Variants in CCDC117 observed in about 807,000 individuals in gnomAD.
CCDC117 encodes the protein coiled-coil domain containing 117.
CCDC117 carries 1 observed loss-of-function variant against 23.5 expected under a neutral mutation model. The ratio of observed to expected loss-of-function variants is 0.04; its 90% confidence interval spans 0.02 to 0.20. The LOEUF is 0.20. Among genes scored for constraint, CCDC117 ranks in the 10% least tolerant of loss-of-function variants. The probability of loss-of-function intolerance (pLI) is 1.00; values close to 1 mark genes in which losing one functional copy is unlikely to be tolerated. For synonymous variants in CCDC117, 132 were observed against 124.8 expected (o/e 1.06, Z -0.39); for missense variants, 383 against 348.2 (o/e 1.10, Z -0.80).
chr22:28,784,927 G>A lies in CCDC117; in HGVS notation c.603-1162G>A, dbSNP rs554077931. Among the ~76,000 whole-genome samples, 231 of 151,022 alleles carry A rather than the reference G, an allele frequency of 1.5e-3. 2 individuals are homozygous for A. The highest frequency in any genetic ancestry group is 5.4e-3 in the African/African-American group (223 of 41,094). ...TGGGACTACAGGCGCCTGCCACCTT[G>A]CCCGGCTAGTTTTTTGTATTTTTAG... On this transcript the variant is annotated intron_variant, in intron 4 of 4. Transcript: ENST00000249064.
rs1313744202 is a variant in CCDC117 at position 28,786,071 on chromosome 22, C to T, written c.603-18C>T. On this transcript the variant is annotated intron_variant, in intron 4 of 4. Coordinates refer to ENST00000249064, the MANE Select transcript of CCDC117 (RefSeq NM_173510.4). ...TGTCCTAAAATTTTTTGATAAAAGTCTGTATTTTATGTCTTAGGAGCCGTC... is the reference window on the plus strand; with the variant it reads ...TGTCCTAAAATTTTTTGATAAAAGTTTGTATTTTATGTCTTAGGAGCCGTC... 2 of 1,560,886 alleles carry T rather than the reference C, an allele frequency of 1.3e-6. No individual in the cohort carries two copies. Among genetic ancestry groups the T allele is most frequent in the East Asian group, 2.2e-5 (1 of 44,566 alleles).
intron 3 of CCDC117, among the ~76,000 whole-genome samples, 164 bp downstream of exon 3, chr22:28,781,336 T>G (rs5762792): frequency 1.5e-3 from 2 of 1,306 alleles, no homozygotes; most frequent in Admixed American, 7.4e-3. Flanking sequence ...TTTTGTTTTG[T>G]TTTTTTTTTT....
At position 28,781,587 on chromosome 22, in the gene CCDC117, G is replaced by A. The variant is rs1220679915; in HGVS notation, c.464+415G>A. Among the ~76,000 whole-genome samples the A allele has an allele frequency of 9.2e-5, 5 of 54,356 alleles. 2 individuals are homozygous for A. Among genetic ancestry groups the A allele is most frequent in the Admixed American group, 1.4e-4 (1 of 7,296 alleles). 35.7% of individuals were successfully genotyped at this position (54,356 alleles called of 152,430 possible). A position where few individuals can be genotyped will look rare whatever the true frequency, so the allele number is the denominator to read the frequency against. On this transcript the variant is annotated intron_variant, in intron 3 of 4. Coordinates refer to ENST00000249064, the MANE Select transcript of CCDC117 (RefSeq NM_173510.4). Reference sequence around the variant, plus strand: ...GGGATGGTCTCGATCTCTTGACCTCGTGATCCGCCCGCCTCGGCCTCCCAA... The same window carrying A: ...GGGATGGTCTCGATCTCTTGACCTCATGATCCGCCCGCCTCGGCCTCCCAA...
In CCDC117 at chr22:28,789,059, G is replaced by A. The variant is rs1338796857; in HGVS notation, c.*2733G>A. 1 of 149,846 alleles carries A rather than the reference G, an allele frequency of 6.7e-6. No homozygotes were observed. Among genetic ancestry groups the A allele is most frequent in the Non-Finnish European group, 1.5e-5 (1 of 67,662 alleles). The allele number at this position is 149,846 out of a possible 1,614,324, so 9.3% of individuals were successfully genotyped here. ...TAAAAAACTTACTCTTTCTTGAAAA[G>A]GTACACATGTAAAATTTAGGAAAAT... On this transcript the variant is annotated 3_prime_UTR_variant, in exon 5 of 5. Transcript: ENST00000249064.
At chr22:28,782,993 T>G (rs533191014) in intron 3 of CCDC117, among the ~76,000 whole-genome samples, 2 of 152,110 alleles carry the variant, frequency 1.3e-5, no homozygotes, top group South Asian at 4.1e-4. Flanking sequence ...CAGATTTGAT[T>G]ATATGTAAAA....
intron 3 of CCDC117, among the ~76,000 whole-genome samples, chr22:28,783,248 C>T (rs553872861): frequency 3.9e-4 from 59 of 152,066 alleles, no homozygotes; most frequent in Admixed American, 3.9e-3. Context: ...ACCATGTTGG[C>T]CAGGCTCTTC....
At chr22:28,778,885 A>C (rs1336570907) in intron 2 of CCDC117, among the ~76,000 whole-genome samples, 1 of 152,172 alleles carries the variant, frequency 6.6e-6, no homozygotes, top group East Asian at 1.9e-4. Context: ...GAAATAACTT[A>C]GTCTAAATCA....
intron 3 of CCDC117, among the ~76,000 whole-genome samples, chr22:28,782,671 T>C (rs958692288): frequency 6.6e-6 from 1 of 152,124 alleles, no homozygotes; most frequent in South Asian, 2.1e-4. Flanking sequence ...ACTCCGGACC[T>C]TGTGGTCCGC....
Position 28,788,934 on chromosome 22 carries a change from T to A in CCDC117, c.*2608T>A, listed in dbSNP as rs2031593255. ...TTAATGAACAAATGTGTATTTTATC[T>A]GAGTTTGAGTAGGGTGCGTTGTGGA... is the stretch of plus-strand genomic sequence containing the variant. On this transcript the variant is annotated 3_prime_UTR_variant, in exon 5 of 5. Coordinates refer to ENST00000249064, the MANE Select transcript of CCDC117 (RefSeq NM_173510.4). 2.0e-5 allele frequency: 3 copies of A among 152,182 alleles called. No individual in the cohort carries two copies. Among genetic ancestry groups the A allele is most frequent in the Admixed American group, 2.0e-4 (3 of 15,224 alleles). The allele number at this position is 152,182 out of a possible 1,614,324, so 9.4% of individuals were successfully genotyped here. A position where few individuals can be genotyped will look rare whatever the true frequency, so the allele number is the denominator to read the frequency against.
intron 3 of CCDC117, 67 bp from the exon 4 acceptor site, chr22:28,783,441 A>G (rs1317122699): frequency 8.7e-5 from 130 of 1,499,262 alleles, no homozygotes; most frequent in Non-Finnish European, 1.1e-4. Flanking sequence ...AATTTTGTCC[A>G]AATACTAGAA....
chr22:28,783,947 A>G (rs1460924063), intron 4 of CCDC117, among the ~76,000 whole-genome samples: 2 of 152,178 alleles, frequency 1.3e-5, no homozygotes, highest in African/African-American at 4.8e-5. Flanking sequence ...AGTTCCTGTG[A>G]TACAGGAACC....
intron 2 of CCDC117, among the ~76,000 whole-genome samples, chr22:28,780,483 A>T (rs2031285671): frequency 6.6e-6 from 1 of 151,996 alleles, no homozygotes; most frequent in African/African-American, 2.4e-5. Context: ...TCTTTTTTTC[A>T]TTCATTCATT....
At chr22:28,779,844 C>G (rs1043704652) in intron 2 of CCDC117, among the ~76,000 whole-genome samples, 1 of 152,194 alleles carries the variant, frequency 6.6e-6, no homozygotes, top group African/African-American at 2.4e-5. Context: ...GGCCTTGAGA[C>G]TGTACTTGCT....
chr22:28,781,281 CAG>C (rs2031308691), intron 3 of CCDC117, 109 bp downstream of exon 3: 1 of 564,384 alleles, frequency 1.8e-6, no homozygotes, highest in East Asian at 2.8e-5. Context: ...CTTAGCCTCT[CAG>C]AAAGACTAAG....
chr22:28,776,871 A>G (rs952400947), intron 2 of CCDC117, among the ~76,000 whole-genome samples: 9 of 152,262 alleles, frequency 5.9e-5, no homozygotes, highest in African/African-American at 1.9e-4. Context: ...GGCGTGAGCC[A>G]CCGCACCCAA....
At chr22:28,785,924 T>TA (rs35631283) in intron 4 of CCDC117, among the ~76,000 whole-genome samples, 165 bp from the exon 5 acceptor site, 2,205 of 136,012 alleles carry the variant, frequency 0.016, 51 homozygotes, top group African/African-American at 0.047. Flanking sequence ...CCCCATCTCT[T>TA]AAAAAAAAAA....
At chr22:28,779,129 A>C (rs2031251312) in intron 2 of CCDC117, among the ~76,000 whole-genome samples, 1 of 152,036 alleles carries the variant, frequency 6.6e-6, no homozygotes, top group Admixed American at 6.6e-5. Context: ...CACTCGCCTT[A>C]TTCTGCTTTT....
At position 28,781,143 on chromosome 22, in the gene CCDC117, C is replaced by T; in HGVS notation, c.435C>T (p.Ala145=). The change falls in exon 3 of 5, where the codon GCC becomes GCT. Residue 145 remains alanine (A), a synonymous_variant. Transcript: ENST00000249064. ...CTGGAGAACCACAGTGTGAAGTTGC[C>T]CGAAGGAAGCTTCAGGAGATTGAGG... ...QTTGEPQCEV[A]RRKLQEIEDR... 12 of 1,613,348 alleles carry T rather than the reference C, an allele frequency of 7.4e-6. No homozygotes were observed. The highest frequency in any genetic ancestry group is 1.0e-5 in the Non-Finnish European group (12 of 1,179,728).
intron 2 of CCDC117, among the ~76,000 whole-genome samples, chr22:28,774,832 G>A (rs1280412625): frequency 6.6e-6 from 1 of 152,080 alleles, no homozygotes; most frequent in African/African-American, 2.4e-5. Flanking sequence ...CTGTCAGGCT[G>A]GAGTGCAGTG....
Sources: allele counts gnomAD v4.1 joint callset (sites outside exome capture counted in the v4.1 genomes callset), GRCh38; gene constraint gnomAD v4.1.1; transcripts MANE v1.5; gene names NCBI Gene and HGNC (gene_info 2026-07-23, HGNC 2026-07-21).